The following PCDHA5 variants were observed in gnomAD, a reference collection of about 807,000 sequenced individuals.
PCDHA5 encodes the protein protocadherin alpha-5.
In PCDHA5, 43 loss-of-function variants were observed where a neutral mutation model predicts 61.6. That is an observed-to-expected ratio of 0.70 (90% CI 0.55 to 0.90). The LOEUF (loss-of-function observed/expected upper bound fraction) is 0.90, where lower values mean the gene tolerates loss of function less well. PCDHA5 is among the 40% of genes least tolerant of loss of function. The probability of loss-of-function intolerance (pLI) is 0.00; values close to 1 mark genes in which losing one functional copy is unlikely to be tolerated. For missense variants in PCDHA5, 1,298 were observed against 1,222.7 expected, an observed-to-expected ratio of 1.06 and a Z score of -0.92; for synonymous variants, 627 against 543.9, an observed-to-expected ratio of 1.15 and a Z score of -2.13.
intron 1 of PCDHA5, among the ~76,000 whole-genome samples, chr5:140,881,035 C>T (rs563210273): frequency 6.6e-6 from 1 of 152,186 alleles, no homozygotes; most frequent in African/African-American, 2.4e-5. Context: ...CAGTCATTTC[C>T]TATAGAGTTG....
Position 140,847,575 on chromosome 5 carries a change from A to C in PCDHA5, c.2352+23448A>C, listed in dbSNP as rs187622781. On this transcript the variant is annotated intron_variant, in intron 1 of 3. Coordinates refer to ENST00000529859, the MANE Select transcript of PCDHA5 (RefSeq NM_018908.3). The stretch of plus-strand genomic sequence containing the variant: ...ACAGAAATTGCCCCGAGTACTAAGG[A>C]TGAGCAATAATGAAATTAAAACATA... 1.3e-4 allele frequency: 19 copies of C among 149,686 alleles called. 1 individual carries two copies. In the East Asian group the frequency reaches 3.7e-3, roughly 29 times the overall value. 9.3% of individuals were successfully genotyped at this position (149,686 alleles called of 1,614,324 possible). A position where few individuals can be genotyped will look rare whatever the true frequency, so the allele number is the denominator to read the frequency against.
intron 1 of PCDHA5, among the ~76,000 whole-genome samples, chr5:140,910,741 ATAAAT>A (rs2075151736): frequency 6.6e-6 from 1 of 152,142 alleles, no homozygotes; most frequent in African/African-American, 2.4e-5. Flanking sequence ...AACCAAGCAC[ATAAAT>A]TATCAGAACC....
At chr5:140,920,239 A>G (rs1584173491) in intron 1 of PCDHA5, among the ~76,000 whole-genome samples, 1 of 152,356 alleles carries the variant, frequency 6.6e-6, no homozygotes, top group Middle Eastern at 3.4e-3. Context: ...TATATACCCA[A>G]CAATACATCG....
At chr5:140,925,955 G>A (rs1350124934) in intron 1 of PCDHA5, among the ~76,000 whole-genome samples, 1 of 152,076 alleles carries the variant, frequency 6.6e-6, no homozygotes, top group Non-Finnish European at 1.5e-5. Context: ...AGGAGAAACT[G>A]CTATCACGCA....
intron 1 of PCDHA5, chr5:140,864,749 C>T (rs544244056): frequency 6.6e-6 from 1 of 152,178 alleles, no homozygotes; most frequent in East Asian, 1.9e-4. Context: ...ACCGATTATA[C>T]TCATTTTTCT....
intron 1 of PCDHA5, chr5:140,848,644 A>C: frequency 6.3e-7 from 1 of 1,593,184 alleles, no homozygotes; most frequent in Non-Finnish European, 8.6e-7. Flanking sequence ...CGCATCGCGC[A>C]GGACCTGGGG....
intron 1 of PCDHA5, among the ~76,000 whole-genome samples, chr5:140,904,491 T>G (rs2071172626): frequency 6.6e-6 from 1 of 151,972 alleles, no homozygotes; most frequent in Non-Finnish European, 1.5e-5. Context: ...TGATTCCAAA[T>G]TTTTACAATT....
rs782610584 is a variant in PCDHA5 at position 140,883,582 on chromosome 5, G to C, written c.2352+59455G>C. 38 of 1,613,902 alleles carry C rather than the reference G, an allele frequency of 2.4e-5. No homozygotes were observed. The African/African-American group carries it at 3.7e-4, about 16-fold the overall frequency. ...GGGGCTCGCCTTCGCTGTGGGCCAC[G>C]GCCAGCGTGTCGGTGGGGGTGGCCG... is the stretch of plus-strand genomic sequence containing the variant. On this transcript the variant is annotated intron_variant, in intron 1 of 3. Transcript: ENST00000529859.
intron 1 of PCDHA5, among the ~76,000 whole-genome samples, chr5:140,833,179 G>T (rs928347111): frequency 6.6e-6 from 1 of 152,198 alleles, no homozygotes; most frequent in Non-Finnish European, 1.5e-5. Flanking sequence ...GAAGATGACT[G>T]CAAGGATTAA....
intron 3 of PCDHA5, among the ~76,000 whole-genome samples, chr5:140,993,826 C>T (rs1401311421): frequency 1.3e-5 from 2 of 152,134 alleles, no homozygotes; most frequent in African/African-American, 4.8e-5. Context: ...ATAGGCTATA[C>T]CATATAGCCT....
chr5:140,886,014 CTA>C (rs1317969139), intron 1 of PCDHA5, among the ~76,000 whole-genome samples: 1 of 152,078 alleles, frequency 6.6e-6, no homozygotes, highest in Non-Finnish European at 1.5e-5. Flanking sequence ...AAGGGAGATG[CTA>C]TGTATTCTTC....
intron 1 of PCDHA5, chr5:140,877,716 G>A: frequency 6.2e-7 from 1 of 1,614,116 alleles, no homozygotes; most frequent in Non-Finnish European, 8.5e-7. Context: ...TGGGGAGTTG[G>A]TCTTACTCGC....
In PCDHA5 at chr5:140,823,911, C is replaced by T. The variant is rs2150130255; in HGVS notation, c.2136C>T (p.Leu712=). 1.9e-6 allele frequency: 3 copies of T among 1,613,880 alleles called. No individual in the cohort carries two copies. Among genetic ancestry groups the T allele is most frequent in the Admixed American group, 1.7e-5 (1 of 60,012 alleles). ...GTGCGGTGTCCAGCCTGCTGGTGCT[C>T]ACGCTGCTGCTGTACACCGCGCTGC... The part of the protein sequence containing the change: ...AICAVSSLLV[L]TLLLYTALRC... The change falls in exon 1 of 4, where the codon CTC becomes CTT. Residue 712 remains leucine (L), a synonymous_variant. Coordinates refer to ENST00000529859, the MANE Select transcript of PCDHA5 (RefSeq NM_018908.3).
chr5:140,928,148 A>G (rs1228039818), intron 1 of PCDHA5: 1 of 1,614,054 alleles, frequency 6.2e-7, no homozygotes, highest in African/African-American at 1.3e-5. Context: ...ACGGCCTCAG[A>G]TAGTGGCTCA....
intron 1 of PCDHA5, chr5:140,829,845 T>C (rs2150176027): frequency 1.3e-5 from 21 of 1,613,782 alleles, no homozygotes; most frequent in Non-Finnish European, 8.5e-7. Context: ...CCGCGGTCAC[T>C]GGGTGCAGGC....
intron 1 of PCDHA5, among the ~76,000 whole-genome samples, chr5:140,948,792 T>C (rs1215416836): frequency 6.6e-6 from 1 of 151,646 alleles, no homozygotes; most frequent in Non-Finnish European, 1.5e-5. Context: ...TTTGTTGATA[T>C]ATTTTCTATT....
At chr5:140,866,264 G>C (rs908649642) in intron 1 of PCDHA5, 1 of 152,052 alleles carries the variant, frequency 6.6e-6, no homozygotes, top group Admixed American at 6.5e-5. Flanking sequence ...TTTCTTTACT[G>C]TGAATAAAGA....
intron 1 of PCDHA5, among the ~76,000 whole-genome samples, chr5:140,898,580 T>G (rs541428438): frequency 2.9e-4 from 44 of 152,370 alleles, no homozygotes; most frequent in African/African-American, 1.0e-3. Flanking sequence ...CCATGCTGTT[T>G]TGGTTACTGT....
chr5:140,883,378 C>A, intron 1 of PCDHA5: 1 of 1,614,146 alleles, frequency 6.2e-7, no homozygotes. Context: ...CCATTATTGC[C>A]CTAATCAGTG....
Sources: gnomAD v4.1 joint callset for allele counts (sites outside exome capture counted in the v4.1 genomes callset) on GRCh38, gnomAD v4.1.1 for gene constraint, MANE v1.5 for transcripts, NCBI Gene and HGNC (gene_info 2026-07-23, HGNC 2026-07-21) for gene names.